The following CATSPERD variants were observed in gnomAD, a reference collection of about 807,000 sequenced individuals.
CATSPERD encodes catsper channel auxiliary subunit delta, also known as cation channel sperm-associated auxiliary subunit delta.
CATSPERD carries 86 observed loss-of-function variants against 98.1 expected under a neutral mutation model. That is an observed-to-expected ratio of 0.88 (90% CI 0.74 to 1.05). CATSPERD has a LOEUF of 1.05. CATSPERD is among the 50% of genes least tolerant of loss of function. The pLI, the probability that CATSPERD is intolerant of heterozygous loss-of-function variation, is 0.00. For synonymous variants in CATSPERD, 394 were observed against 390.2 expected, an observed-to-expected ratio of 1.01 and a Z score of -0.12; for missense variants, 995 against 1,005.7, an observed-to-expected ratio of 0.99 and a Z score of 0.14.
At position 5,748,266 on chromosome 19, in the gene CATSPERD, G is replaced by A. The variant is rs376650447; in HGVS notation, c.904+11G>A. On this transcript the variant is annotated intron_variant, in intron 10 of 21. Transcript: ENST00000381624. Reference sequence around the variant, plus strand: ...ACAACATTGCTGTCAGTGCGTAGCCGACCCACTGCTAGCCAAGAAATATTT... The same window carrying A: ...ACAACATTGCTGTCAGTGCGTAGCCAACCCACTGCTAGCCAAGAAATATTT... 1.4e-5 allele frequency: 23 copies of A among 1,609,370 alleles called. No individual in the cohort carries two copies. Among genetic ancestry groups the A allele is most frequent in the South Asian group, 4.4e-5 (4 of 90,942 alleles).
chr19:5,763,521 A>T (rs1171806793), intron 16 of CATSPERD, among the ~76,000 whole-genome samples: 2 of 152,204 alleles, frequency 1.3e-5, no homozygotes, highest in East Asian at 3.8e-4. Context: ...CCTCGAGGAG[A>T]TCCCACACAG....
intron 18 of CATSPERD, among the ~76,000 whole-genome samples, chr19:5,770,101 A>AG (rs1266342048): frequency 6.7e-6 from 1 of 149,872 alleles, no homozygotes; most frequent in Admixed American, 6.7e-5. Flanking sequence ...AAAAAAAAAA[A>AG]AAAAGTAATT....
chr19:5,766,173 G>A lies in CATSPERD; in HGVS notation c.1559+18G>A, dbSNP rs763419811. On this transcript the variant is annotated intron_variant, in intron 17 of 21. Transcript: ENST00000381624. ...ATCCAGAAGTAAGTATGTTGAGGCC[G>A]GGCACCATGGCTCATTCCTGTGATC... 10 of 1,607,622 alleles carry A rather than the reference G, an allele frequency of 6.2e-6. No individual in the cohort carries two copies. Among genetic ancestry groups the A allele is most frequent in the African/African-American group, 2.7e-5 (2 of 74,802 alleles).
chr19:5,768,288 T>A, intron 18 of CATSPERD, 46 bp downstream of exon 18: 1 of 1,513,458 alleles, frequency 6.6e-7, no homozygotes, highest in Non-Finnish European at 9.1e-7. Context: ...AGGCGACCAT[T>A]GGGCCTGCAA....
In CATSPERD at chr19:5,772,857, C is replaced by G. The variant is rs769108282; in HGVS notation, c.1833C>G (p.Phe611Leu). 3.1e-6 allele frequency: 5 copies of G among 1,614,096 alleles called. No individual in the cohort carries two copies. The highest frequency in any genetic ancestry group is 2.5e-6 in the Non-Finnish European group (3 of 1,180,014). The change falls in exon 20 of 22, where the codon TTC (phenylalanine) becomes TTG (leucine). Residue 611 changes from phenylalanine (F) to leucine (L), a missense_variant. By Grantham distance (22) the Phe-to-Leu change is conservative (BLOSUM62 0). Transcript: ENST00000381624. ...EYVLLEVNGQFSYSYSLTAQS... is the reference protein window; with the variant it reads ...EYVLLEVNGQLSYSYSLTAQS... ...TGTTACTGGAGGTGAACGGGCAGTT[C>G]TCATACTCCTATTCCCTGACGGCCC...
Position 5,737,216 on chromosome 19 carries a change from G to A in CATSPERD, c.459+11G>A, listed in dbSNP as rs552612816. On this transcript the variant is annotated intron_variant, in intron 6 of 21. Transcript: ENST00000381624. ...AGTTTGTTTTGTGTGGTAAGTATAAGTGTATAATTGTTCATTTTTTTTTGC... is the reference window on the plus strand; with the variant it reads ...AGTTTGTTTTGTGTGGTAAGTATAAATGTATAATTGTTCATTTTTTTTTGC... 1.9e-6 allele frequency: 3 copies of A among 1,571,636 alleles called. No homozygotes were observed. The highest frequency in any genetic ancestry group is 2.6e-6 in the Non-Finnish European group (3 of 1,142,648).
At chr19:5,757,732 C>T (rs1029087544) in intron 13 of CATSPERD, 111 bp from the exon 14 acceptor site, 12 of 724,318 alleles carry the variant, frequency 1.7e-5, no homozygotes, top group Non-Finnish European at 2.3e-5. Flanking sequence ...TGAGCCACTA[C>T]ACCCAGCCCT....
At position 5,759,566 on chromosome 19, in the gene CATSPERD, C is replaced by CA. The variant is rs35459854; in HGVS notation, c.1427+441dup. Among the ~76,000 whole-genome samples, 163 of 83,996 alleles carry CA rather than the reference C, an allele frequency of 1.9e-3. 1 individual carries two copies. Among genetic ancestry groups the CA allele is most frequent in the African/African-American group, 6.2e-3 (133 of 21,478 alleles). The allele number at this position is 83,996 out of a possible 152,430, so 55.1% of individuals were successfully genotyped here. On this transcript the variant is annotated intron_variant, in intron 15 of 21. Transcript: ENST00000381624. ...GGCGACAAACATGAAACTCCAGCTC[C>CA]AAAAAAAAAAAAAAAAAAAGCAAAA...
At chr19:5,743,435 T>C in intron 7 of CATSPERD, among the ~76,000 whole-genome samples, 1 of 151,536 alleles carries the variant, frequency 6.6e-6, no homozygotes, top group East Asian at 1.9e-4. Context: ...CCGTTTCTAC[T>C]AAAAAAACAG....
intron 8 of CATSPERD, among the ~76,000 whole-genome samples, chr19:5,744,898 G>A (rs1020291776): frequency 5.3e-5 from 8 of 151,794 alleles, no homozygotes; most frequent in Non-Finnish European, 8.8e-5. Flanking sequence ...ACGGCGCCCG[G>A]CATCGATAAT....
chr19:5,748,441 G>C (rs917676375), intron 10 of CATSPERD, among the ~76,000 whole-genome samples, 186 bp downstream of exon 10: 1 of 151,692 alleles, frequency 6.6e-6, no homozygotes, highest in Non-Finnish European at 1.5e-5. Context: ...GACCAGCCTG[G>C]CCAACATGGT....
rs560919708 is a variant in CATSPERD at position 5,743,658 on chromosome 19, C to T, written c.574-769C>T. Among the ~76,000 whole-genome samples, 396 of 143,866 alleles carry T rather than the reference C, an allele frequency of 2.8e-3. 2 individuals are homozygous for T. The highest frequency in any genetic ancestry group is 9.3e-3 in the African/African-American group (366 of 39,342). 94.4% of individuals were successfully genotyped at this position (143,866 alleles called of 152,430 possible). ...AGTCTCTCTGTCTCTGTCTCTCTCT[C>T]TCTCTCTTCCTCTCTCTCTCTCTTC... is the stretch of plus-strand genomic sequence containing the variant. On this transcript the variant is annotated intron_variant, in intron 7 of 21. Coordinates refer to ENST00000381624, the MANE Select transcript of CATSPERD (RefSeq NM_152784.4).
chr19:5,766,029 C>A, intron 16 of CATSPERD, 74 bp from the exon 17 acceptor site: 1 of 1,135,138 alleles, frequency 8.8e-7, no homozygotes, highest in Non-Finnish European at 1.3e-6. Flanking sequence ...AGGAGTGTGT[C>A]CCTGTATAGG....
intron 13 of CATSPERD, among the ~76,000 whole-genome samples, chr19:5,755,095 C>T (rs1470976593): frequency 1.3e-5 from 2 of 151,972 alleles, no homozygotes; most frequent in South Asian, 2.1e-4. Flanking sequence ...CCACCCACCT[C>T]GGACTCCCAA....
chr19:5,723,624 C>T (rs149839105), intron 1 of CATSPERD, among the ~76,000 whole-genome samples: 13 of 151,526 alleles, frequency 8.6e-5, no homozygotes, highest in African/African-American at 2.2e-4. Context: ...CAACCACGCC[C>T]GGCTAATTTT....
rs1473413645 is a variant in CATSPERD at position 5,754,203 on chromosome 19, T to G, written c.1236T>G (p.Thr412=). The change falls in exon 13 of 22, where the codon ACT becomes ACG. Residue 412 remains threonine (T), a synonymous_variant. Coordinates refer to ENST00000381624, the MANE Select transcript of CATSPERD (RefSeq NM_152784.4). ...ACATGCACAGCCAGCTGGAATTGAC[T>G]GCTTCGTTGATACCCCAGCCAGGCA... The part of the protein sequence containing the change: ...TIDMHSQLEL[T]ASLIPQPGTS... The G allele has an allele frequency of 6.2e-7, 1 of 1,613,966 alleles. No homozygotes were observed. The highest frequency in any genetic ancestry group is 1.7e-5 in the Admixed American group (1 of 59,990).
At chr19:5,734,638 C>CA (rs200162231) in intron 5 of CATSPERD, among the ~76,000 whole-genome samples, 38,471 of 142,104 alleles carry the variant, frequency 0.27, 6,170 homozygotes, top group Non-Finnish European at 0.38. Context: ...AACTCTGTCT[C>CA]AAAAAAAAAA....
intron 4 of CATSPERD, among the ~76,000 whole-genome samples, chr19:5,733,400 C>T (rs1158712487): frequency 6.8e-6 from 1 of 146,074 alleles, no homozygotes; most frequent in African/African-American, 2.5e-5. Flanking sequence ...TCCTTCCTTC[C>T]TTTCTTCTCC....
At chr19:5,772,021 CCTTT>C (rs1312701915) in intron 19 of CATSPERD, 3 of 145,606 alleles carry the variant, frequency 2.1e-5, no homozygotes, top group African/African-American at 5.2e-5. Flanking sequence ...TCATTTCCTT[CCTTT>C]CTTTCTCTCT....
Sources: gnomAD v4.1 joint callset for allele counts (sites outside exome capture counted in the v4.1 genomes callset) on GRCh38, gnomAD v4.1.1 for gene constraint, MANE v1.5 for transcripts, NCBI Gene and HGNC (gene_info 2026-07-23, HGNC 2026-07-21) for gene names.